The following ADAMTSL1 variants were observed in gnomAD, a reference collection of about 807,000 sequenced individuals.
ADAMTSL1 encodes ADAMTS like 1, also known as ADAMTS-like protein 1.
ADAMTSL1 carries 126 observed loss-of-function variants against 201.8 expected under a neutral mutation model. The ratio of observed to expected loss-of-function variants is 0.62; its 90% CI spans 0.54 to 0.72. The LOEUF is 0.72. ADAMTSL1 is among the 30% of genes least tolerant of loss of function. ADAMTSL1 has a pLI of 0.00. For missense variants in ADAMTSL1, 2,679 were observed against 2,277.8 expected, an observed-to-expected ratio of 1.18 and a Z score of -3.59; for synonymous variants, 1,121 against 903.4, an observed-to-expected ratio of 1.24 and a Z score of -4.32.
intron 2 of ADAMTSL1, among the ~76,000 whole-genome samples, chr9:18,178,205 C>T (rs897498689): frequency 6.6e-6 from 1 of 152,206 alleles, no homozygotes; most frequent in Non-Finnish European, 1.5e-5. Flanking sequence ...GAGGCATTGC[C>T]TCACTTGGGA....
chr9:18,556,214 C>T (rs186837379), intron 3 of ADAMTSL1, among the ~76,000 whole-genome samples: 270 of 152,016 alleles, frequency 1.8e-3, no homozygotes, highest in Non-Finnish European at 2.9e-3. Context: ...GCCCCTCTGC[C>T]TGTAATTCTA....
chr9:18,476,106 T>G lies in ADAMTSL1; in HGVS notation c.63+1811T>G, dbSNP rs147259037. Among the ~76,000 whole-genome samples the G allele has an allele frequency of 6.6e-3, 1,001 of 152,230 alleles. 9 individuals are homozygous for G. The highest frequency in any genetic ancestry group is 0.023 in the African/African-American group (953 of 41,556). On this transcript the variant is annotated intron_variant, in intron 1 of 28. Coordinates refer to ENST00000380548, the MANE Select transcript of ADAMTSL1 (RefSeq NM_001040272.6). ...GTTTGTTTTATGCCTGCATTTAAAT[T>G]AAGTGGAAATCTGAGAGTTATGCTA...
At chr9:18,341,193 G>T (rs1165847079) in intron 2 of ADAMTSL1, among the ~76,000 whole-genome samples, 1 of 152,028 alleles carries the variant, frequency 6.6e-6, no homozygotes, top group Admixed American at 6.6e-5. Flanking sequence ...GATTTGCAAG[G>T]CTCCTCACAA....
intron 2 of ADAMTSL1, among the ~76,000 whole-genome samples, chr9:18,185,190 A>G (rs977093906): frequency 3.3e-5 from 5 of 152,044 alleles, no homozygotes; most frequent in Non-Finnish European, 7.4e-5. Flanking sequence ...CTTCTAACCA[A>G]TAGAATATGG....
intron 1 of ADAMTSL1, among the ~76,000 whole-genome samples, chr9:17,912,976 G>T (rs551087011): frequency 6.6e-6 from 1 of 152,224 alleles, no homozygotes; most frequent in East Asian, 1.9e-4. Flanking sequence ...TCTCAGGTTT[G>T]TCAAAGTTCA....
At chr9:18,279,786 C>G (rs545060277) in intron 2 of ADAMTSL1, among the ~76,000 whole-genome samples, 3 of 152,156 alleles carry the variant, frequency 2.0e-5, no homozygotes, top group Non-Finnish European at 4.4e-5. Flanking sequence ...TCTTGGCAGG[C>G]CATCTTGTGG....
At position 18,215,810 on chromosome 9, in the gene ADAMTSL1, C is replaced by T. The variant is rs371014469; in HGVS notation, c.207+51829C>T. On this transcript the variant is annotated intron_variant, in intron 2 of 29. Coordinates refer to the ADAMTSL1 transcript ENST00000680146. ...CAGGGGGACCAGCTCCTGCTGTCCT[C>T]ACGGAGAACTCTGATTCACTGCCTT... Among the ~76,000 whole-genome samples, 17 of 152,196 alleles carry T rather than the reference C, an allele frequency of 1.1e-4. No homozygotes were observed. In the East Asian group the frequency reaches 2.9e-3, roughly 26 times the overall value.
intron 2 of ADAMTSL1, among the ~76,000 whole-genome samples, chr9:18,310,490 A>C (rs1056026664): frequency 6.6e-6 from 1 of 152,068 alleles, no homozygotes; most frequent in Non-Finnish European, 1.5e-5. Flanking sequence ...AGAATCTATA[A>C]GGAACTTAAA....
At chr9:18,359,614 C>A (rs891346733) in intron 2 of ADAMTSL1, among the ~76,000 whole-genome samples, 9 of 152,088 alleles carry the variant, frequency 5.9e-5, no homozygotes, top group African/African-American at 1.9e-4. Context: ...ACAGTAATTC[C>A]CATTAAGGAA....
intron 7 of ADAMTSL1, among the ~76,000 whole-genome samples, chr9:18,645,309 T>C (rs1182387272): frequency 6.6e-6 from 1 of 152,248 alleles, no homozygotes; most frequent in Non-Finnish European, 1.5e-5. Context: ...GATGAGTAGA[T>C]TGTTAAAATT....
Position 18,649,987 on chromosome 9 carries a change from A to C in ADAMTSL1, c.835-7652A>C, listed in dbSNP as rs567527182. ...TCTTTTTGTTTGTCTGTGCCCTGCC[A>C]TCAGAGGTGGAGCCTACAGAGGCAG... On this transcript the variant is annotated intron_variant, in intron 7 of 28. Coordinates refer to ENST00000380548, the MANE Select transcript of ADAMTSL1 (RefSeq NM_001040272.6). 9.8e-4 allele frequency among the ~76,000 whole-genome samples: 150 copies of C among 152,296 alleles called. 1 individual carries two copies. Among genetic ancestry groups the C allele is most frequent in the African/African-American group, 3.4e-3 (140 of 41,568 alleles).
At chr9:18,113,357 T>A (rs984573784) in intron 1 of ADAMTSL1, among the ~76,000 whole-genome samples, 2 of 151,974 alleles carry the variant, frequency 1.3e-5, no homozygotes, top group Non-Finnish European at 2.9e-5. Flanking sequence ...TGGGGGAGGT[T>A]AGATGGGATT....
chr9:18,486,897 A>C (rs538399699), intron 1 of ADAMTSL1, among the ~76,000 whole-genome samples: 1 of 152,310 alleles, frequency 6.6e-6, no homozygotes, highest in Admixed American at 6.5e-5. Flanking sequence ...CACTCCTTAG[A>C]TTCATGTCAC....
In ADAMTSL1 at chr9:18,072,733, G is replaced by T. The variant is rs148421881; in HGVS notation, c.88-91129G>T. ...CAGGCATTTTTGTAGGGCCCACTTC[G>T]TTTTGAAGGGTTGGTACTATTAGGC... On this transcript the variant is annotated intron_variant, in intron 1 of 29. Coordinates refer to the ADAMTSL1 transcript ENST00000680146. Among the ~76,000 whole-genome samples the T allele has an allele frequency of 6.0e-3, 915 of 152,264 alleles. 12 individuals are homozygous for T. The highest frequency in any genetic ancestry group is 0.021 in the African/African-American group (856 of 41,540).
chr9:18,263,294 C>T (rs1320826918), intron 2 of ADAMTSL1, among the ~76,000 whole-genome samples: 1 of 152,162 alleles, frequency 6.6e-6, no homozygotes, highest in African/African-American at 2.4e-5. Context: ...GGAGATCTAA[C>T]ATTATTGAAA....
intron 1 of ADAMTSL1, among the ~76,000 whole-genome samples, chr9:18,002,100 A>C (rs796889146): frequency 1.3e-5 from 2 of 151,932 alleles, no homozygotes; most frequent in Admixed American, 6.6e-5. Context: ...CAGGGGAAGA[A>C]TGATACCTAA....
At chr9:18,546,094 C>T (rs1477847933) in intron 3 of ADAMTSL1, among the ~76,000 whole-genome samples, 1 of 152,112 alleles carries the variant, frequency 6.6e-6, no homozygotes, top group Non-Finnish European at 1.5e-5. Flanking sequence ...CTTATGTTTT[C>T]CTTTGCATTT....
chr9:18,188,149 T>A (rs1421633192), intron 2 of ADAMTSL1, among the ~76,000 whole-genome samples: 1 of 152,128 alleles, frequency 6.6e-6, no homozygotes, highest in East Asian at 1.9e-4. Context: ...ACACAGATGA[T>A]AAGTAGTTGG....
chr9:18,906,638 C>T (rs1378310425), intron 27 of ADAMTSL1, 54 bp from the exon 28 acceptor site: 5 of 1,414,394 alleles, frequency 3.5e-6, no homozygotes, highest in African/African-American at 2.9e-5. Flanking sequence ...TCACATCTGC[C>T]CTGATTCAGC....
Sources: allele counts gnomAD v4.1 joint callset (sites outside exome capture counted in the v4.1 genomes callset), GRCh38; gene constraint gnomAD v4.1.1; transcripts MANE v1.5; gene names NCBI Gene and HGNC (gene_info 2026-07-23, HGNC 2026-07-21).